The following AGPAT5 variants were observed in gnomAD, a reference collection of about 807,000 sequenced individuals.
AGPAT5 encodes the protein 1-acyl-sn-glycerol-3-phosphate acyltransferase epsilon.
A neutral mutation model predicts 45.6 loss-of-function variants in AGPAT5; 46 were observed. The ratio of observed to expected loss-of-function variants is 1.01; its 90% CI spans 0.80 to 1.29. AGPAT5 has a LOEUF of 1.29. Among genes scored for constraint, AGPAT5 ranks in the 50% most tolerant of loss-of-function variants. The probability of loss-of-function intolerance (pLI) is 0.00; values close to 1 mark genes in which losing one functional copy is unlikely to be tolerated. For missense variants in AGPAT5, 673 were observed against 450.7 expected (o/e 1.49, Z -4.47); for synonymous variants, 272 against 167.0 (o/e 1.63, Z -4.85).
intron 4 of AGPAT5, among the ~76,000 whole-genome samples, chr8:6,737,187 A>G (rs946159009): frequency 6.6e-6 from 1 of 152,220 alleles, no homozygotes. Flanking sequence ...CGTGCTGAGC[A>G]GCTTTCACTG....
chr8:6,745,027 T>G (rs770458223), intron 5 of AGPAT5: 4 of 152,460 alleles, frequency 2.6e-5, no homozygotes, highest in Non-Finnish European at 4.4e-5. Flanking sequence ...CTCATGGTTT[T>G]CACGGATTTT....
chr8:6,730,763 T>C lies in AGPAT5; in HGVS notation c.342T>C (p.His114=). The change falls in exon 3 of 8, where the codon CAT becomes CAC. Residue 114 remains histidine, a synonymous_variant. Coordinates refer to ENST00000285518, the MANE Select transcript of AGPAT5 (RefSeq NM_018361.5). ...CCATCAGGCAGAATGCGCTAGGACA[T>C]GTGCGCTACGTGCTGAAAGAAGGGT... is the stretch of plus-strand genomic sequence containing the variant. ...ILAIRQNALG[H]VRYVLKEGLK... is the part of the protein sequence containing the mutation. 6.2e-7 allele frequency: 1 copy of C among 1,613,740 alleles called. No individual in the cohort carries two copies. The highest frequency in any genetic ancestry group is 8.5e-7 in the Non-Finnish European group (1 of 1,179,700).
intron 6 of AGPAT5, among the ~76,000 whole-genome samples, chr8:6,749,339 CAT>C (rs1801577865): frequency 6.6e-6 from 1 of 152,146 alleles, no homozygotes; most frequent in African/African-American, 2.4e-5. Flanking sequence ...AAAAATGTAA[CAT>C]ATTTATATCT....
intron 1 of AGPAT5, among the ~76,000 whole-genome samples, chr8:6,714,509 G>C (rs1340264090): frequency 6.6e-6 from 1 of 152,122 alleles, no homozygotes; most frequent in African/African-American, 2.4e-5. Flanking sequence ...AGTTATTTCA[G>C]GTTGCATTTG....
intron 7 of AGPAT5, 103 bp from the exon 8 acceptor site, chr8:6,757,060 G>C: frequency 1.3e-6 from 1 of 779,932 alleles, no homozygotes. Context: ...ATTTTCCAGG[G>C]ACCTGCATAA....
chr8:6,743,895 A>T (rs1025625686), intron 5 of AGPAT5, among the ~76,000 whole-genome samples: 2 of 152,120 alleles, frequency 1.3e-5, no homozygotes, highest in East Asian at 1.9e-4. Context: ...GGCAAACCAG[A>T]TACCTAGAAT....
At position 6,724,915 on chromosome 8, in the gene AGPAT5, T is replaced by C. The variant is rs1360199451; in HGVS notation, c.265T>C (p.Tyr89His). 3.4e-6 allele frequency: 4 copies of C among 1,168,136 alleles called. No homozygotes were observed. Among genetic ancestry groups the C allele is most frequent in the Non-Finnish European group, 4.5e-6 (4 of 887,186 alleles). 72.4% of individuals were successfully genotyped at this position (1,168,136 alleles called of 1,614,324 possible). A position where few individuals can be genotyped will look rare whatever the true frequency, so the allele number is the denominator to read the frequency against. ...GCCAAAAAATAAAGAAAATATAATATATTTAGCAAATCATCAAAGCACAGG... is the reference window on the plus strand; with the variant it reads ...GCCAAAAAATAAAGAAAATATAATACATTTAGCAAATCATCAAAGCACAGG... ...DLPKNKENII[Y>H]LANHQSTVDW... Residue 89 changes from tyrosine to histidine, a missense_variant, in exon 2 of 8, where the codon TAT becomes CAT. Tyr to His is a moderately conservative substitution (Grantham distance 83, BLOSUM62 2). Coordinates refer to ENST00000285518, the MANE Select transcript of AGPAT5 (RefSeq NM_018361.5).
chr8:6,737,395 C>G (rs1037780364), intron 4 of AGPAT5, among the ~76,000 whole-genome samples: 3 of 152,110 alleles, frequency 2.0e-5, no homozygotes, highest in Non-Finnish European at 4.4e-5. Context: ...TGAATCTATT[C>G]CATGATTGTA....
chr8:6,755,217 C>G, intron 7 of AGPAT5, 43 bp downstream of exon 7: 2 of 1,577,394 alleles, frequency 1.3e-6, no homozygotes, highest in South Asian at 1.2e-5. Flanking sequence ...TTCGGTTCAA[C>G]TAGATTTCAG....
rs1801938280 is a variant in AGPAT5, at chr8:6,758,991, CTT to C, written c.*1605_*1606del. 1 of 152,400 alleles carries C rather than the reference CTT, an allele frequency of 6.6e-6. No individual in the cohort carries two copies. The highest frequency in any genetic ancestry group is 6.5e-5 in the Admixed American group (1 of 15,278). 9.4% of individuals were successfully genotyped at this position (152,400 alleles called of 1,614,324 possible). A position where few individuals can be genotyped will look rare whatever the true frequency, so the allele number is the denominator to read the frequency against. ...CTTCTCCCATGCCAGAGAATAAACT[CTT>C]TCAAGCATCATCTTTGAAGAGTCGT... On this transcript the variant is annotated 3_prime_UTR_variant, in exon 8 of 8. Coordinates refer to ENST00000285518, the MANE Select transcript of AGPAT5 (RefSeq NM_018361.5).
intron 1 of AGPAT5, among the ~76,000 whole-genome samples, chr8:6,720,523 G>A (rs1380246348): frequency 6.6e-6 from 1 of 152,196 alleles, no homozygotes; most frequent in Admixed American, 6.5e-5. Flanking sequence ...ATGTGGCAGA[G>A]TTAAATGACC....
At chr8:6,755,520 T>C (rs1801806182) in intron 7 of AGPAT5, among the ~76,000 whole-genome samples, 2 of 152,156 alleles carry the variant, frequency 1.3e-5, no homozygotes, top group Non-Finnish European at 2.9e-5. Context: ...GGTGTTACTG[T>C]GTGAGGTCTG....
In AGPAT5 at chr8:6,759,484, TAC is replaced by T; in HGVS notation, c.*2097_*2098del. 1 of 152,350 alleles carries T rather than the reference TAC, an allele frequency of 6.6e-6. No individual in the cohort carries two copies. 9.4% of individuals were successfully genotyped at this position (152,350 alleles called of 1,614,324 possible). On this transcript the variant is annotated 3_prime_UTR_variant, in exon 8 of 8. Transcript: ENST00000285518. ...TTATTTTCTAAAATTAAGAGCCGTATACCTACCTGTAAGTCTTTTCACATATC... is the reference window on the plus strand; with the variant it reads ...TTATTTTCTAAAATTAAGAGCCGTATCTACCTGTAAGTCTTTTCACATATC...
Position 6,755,078 on chromosome 8 carries a change from T to C in AGPAT5, c.773T>C (p.Ile258Thr), listed in dbSNP as rs1449965581. Residue 258 changes from isoleucine (I) to threonine (T), a missense_variant, in exon 7 of 8, where the codon ATT becomes ACT. Coordinates refer to ENST00000285518, the MANE Select transcript of AGPAT5 (RefSeq NM_018361.5). ...TEFLCKECPK[I>T]HIHIDRIDKK... The stretch of plus-strand genomic sequence containing the variant: ...TTTCTCTGCAAAGAATGTCCAAAAA[T>C]TCATATTCACATTGATCGTATCGAC... 4 of 1,596,342 alleles carry C rather than the reference T, an allele frequency of 2.5e-6. No homozygotes were observed. The highest frequency in any genetic ancestry group is 3.7e-5 in the Admixed American group (2 of 54,432).
rs1244243799 is a variant in AGPAT5, at chr8:6,730,803, T to C, written c.382T>C (p.Leu128=). 1 of 1,613,268 alleles carries C rather than the reference T, an allele frequency of 6.2e-7. No homozygotes were observed. The highest frequency in any genetic ancestry group is 1.7e-5 in the Admixed American group (1 of 60,000). Residue 128 remains leucine (L), a synonymous_variant, in exon 3 of 8, where the codon TTG becomes CTG. Coordinates refer to ENST00000285518, the MANE Select transcript of AGPAT5 (RefSeq NM_018361.5). ...VLKEGLKWLP[L]YGCYFAQHGG... ...GAAAGAAGGGTTAAAATGGCTGCCA[T>C]TGTATGGGTGTTACTTTGCTCAGGT...
chr8:6,732,716 A>C (rs1800907871), intron 4 of AGPAT5, 66 bp downstream of exon 4: 7 of 1,302,556 alleles, frequency 5.4e-6, no homozygotes, highest in Middle Eastern at 1.9e-4. Context: ...AATTAAATTA[A>C]AATCTAAGAA....
intron 2 of AGPAT5, among the ~76,000 whole-genome samples, chr8:6,726,935 A>G (rs1384425949): frequency 1.3e-5 from 2 of 152,226 alleles, no homozygotes; most frequent in South Asian, 2.1e-4. Flanking sequence ...TAGTCAGTAT[A>G]TGACAGAGCC....
chr8:6,720,323 A>G (rs1244506549), intron 1 of AGPAT5, among the ~76,000 whole-genome samples: 1 of 152,198 alleles, frequency 6.6e-6, no homozygotes, highest in Non-Finnish European at 1.5e-5. Flanking sequence ...AAAAATAGAT[A>G]GAGATAGTTT....
intron 6 of AGPAT5, among the ~76,000 whole-genome samples, chr8:6,749,807 G>T (rs530114194): frequency 1.3e-5 from 2 of 152,282 alleles, no homozygotes; most frequent in African/African-American, 2.4e-5. Context: ...TAATAACCTT[G>T]TTTAAATGCT....
Sources: gnomAD v4.1 joint callset for allele counts (sites outside exome capture counted in the v4.1 genomes callset) on GRCh38, gnomAD v4.1.1 for gene constraint, MANE v1.5 for transcripts, NCBI Gene and HGNC (gene_info 2026-07-23, HGNC 2026-07-21) for gene names.